SNX2: variants seen among roughly 807,000 people sequenced by gnomAD.
The protein encoded by SNX2 is sorting nexin-2.
SNX2 carries 25 observed loss-of-function variants against 69.9 expected under a neutral mutation model. The observed-to-expected ratio is 0.36, with a 90% CI of 0.26 to 0.50. The LOEUF is 0.50. SNX2 is among the 20% of genes least tolerant of loss of function. The pLI is 0.97. For missense variants in SNX2, 551 were observed against 613.3 expected (o/e 0.90, Z 1.07); for synonymous variants, 229 against 200.4 (o/e 1.14, Z -1.20).
At chr5:122,787,244 G>A (rs190171616) in intron 1 of SNX2, among the ~76,000 whole-genome samples, 86 of 152,342 alleles carry the variant, frequency 5.6e-4, no homozygotes, top group African/African-American at 1.9e-3. Flanking sequence ...CCTTGGCTGG[G>A]TGTGGTGGCT....
At chr5:122,824,848 C>T (rs1754118453) in intron 11 of SNX2, among the ~76,000 whole-genome samples, 1 of 152,104 alleles carries the variant, frequency 6.6e-6, no homozygotes, top group African/African-American at 2.4e-5. Context: ...AATGGCTGTA[C>T]CTACTGATTA....
At chr5:122,780,539 A>G (rs1752954790) in intron 1 of SNX2, among the ~76,000 whole-genome samples, 1 of 151,792 alleles carries the variant, frequency 6.6e-6, no homozygotes, top group Non-Finnish European at 1.5e-5. Context: ...AACAGGTAAT[A>G]AAAGTATATA....
rs1754362572 is a variant in SNX2 at position 122,834,359 on chromosome 5, T to TTAAC, written c.*4713_*4716dup. The TTAAC allele has an allele frequency of 6.6e-6, 1 of 152,210 alleles. No individual in the cohort carries two copies. The highest frequency in any genetic ancestry group is 2.4e-5 in the African/African-American group (1 of 41,452). 9.4% of individuals were successfully genotyped at this position (152,210 alleles called of 1,614,324 possible). A position where few individuals can be genotyped will look rare whatever the true frequency, so the allele number is the denominator to read the frequency against. ...AAGATTGAATAATTTTAAGTATTTC[T>TTAAC]TAACTGGGCAAAATGGAAACTTTGT... On this transcript the variant is annotated 3_prime_UTR_variant, in exon 15 of 15. Coordinates refer to ENST00000379516, the MANE Select transcript of SNX2 (RefSeq NM_003100.4).
intron 1 of SNX2, among the ~76,000 whole-genome samples, chr5:122,782,603 C>T (rs1366752912): frequency 6.6e-6 from 1 of 151,962 alleles, no homozygotes; most frequent in Non-Finnish European, 1.5e-5. Context: ...TTGGCACAAT[C>T]TCTGCTCACT....
intron 11 of SNX2, 99 bp downstream of exon 11, chr5:122,819,122 A>G: frequency 1.1e-6 from 1 of 869,682 alleles, no homozygotes; most frequent in Non-Finnish European, 1.8e-6. Context: ...TTCCTCCTAT[A>G]CTAGCATGAA....
In SNX2 at chr5:122,829,594, A is replaced by G; in HGVS notation, c.1510-4A>G. 6.2e-7 allele frequency: 1 copy of G among 1,607,126 alleles called. No individual in the cohort carries two copies. Among genetic ancestry groups the G allele is most frequent in the South Asian group, 1.1e-5 (1 of 90,948 alleles). On this transcript the variant is annotated splice_polypyrimidine_tract_variant and splice_region_variant and intron_variant, in intron 14 of 14. Transcript: ENST00000379516. The stretch of plus-strand genomic sequence containing the variant: ...ATAACTTATATTTTAATTATCATTC[A>G]CAGCTGATAAAATACTGGGAAGCAT...
intron 1 of SNX2, among the ~76,000 whole-genome samples, chr5:122,787,286 A>C (rs971821078): frequency 1.3e-5 from 2 of 152,140 alleles, no homozygotes; most frequent in African/African-American, 4.8e-5. Context: ...TTGGGAGGCC[A>C]AAGCAGGTGG....
chr5:122,826,396 A>C (rs1183780273), intron 12 of SNX2, among the ~76,000 whole-genome samples: 1 of 152,056 alleles, frequency 6.6e-6, no homozygotes, highest in Non-Finnish European at 1.5e-5. Flanking sequence ...ATGGATAAAG[A>C]AGCATACAAG....
intron 1 of SNX2, among the ~76,000 whole-genome samples, chr5:122,787,634 C>T (rs983271612): frequency 5.9e-5 from 9 of 152,182 alleles, no homozygotes; most frequent in African/African-American, 2.2e-4. Flanking sequence ...ATAGCCTCTC[C>T]ATAGTGATAT....
intron 1 of SNX2, among the ~76,000 whole-genome samples, chr5:122,794,460 T>A (rs992155548): frequency 2.6e-5 from 4 of 152,258 alleles, no homozygotes; most frequent in Non-Finnish European, 5.9e-5. Flanking sequence ...CCTCTTACAG[T>A]AAAACAGTGC....
chr5:122,803,700 C>A, intron 6 of SNX2, 87 bp downstream of exon 6: 2 of 980,324 alleles, frequency 2.0e-6, no homozygotes, highest in African/African-American at 1.6e-5. Context: ...CTTAGTCATT[C>A]ACTGTCAACA....
intron 1 of SNX2, among the ~76,000 whole-genome samples, chr5:122,784,835 G>A (rs1440818617): frequency 1.3e-5 from 2 of 152,138 alleles, no homozygotes; most frequent in Non-Finnish European, 2.9e-5. Flanking sequence ...AATGTTGATA[G>A]AATTTACTAA....
At chr5:122,805,921 C>T (rs1019188281) in intron 6 of SNX2, among the ~76,000 whole-genome samples, 50 of 152,110 alleles carry the variant, frequency 3.3e-4, no homozygotes, top group African/African-American at 1.2e-3. Flanking sequence ...GCTGGGACTA[C>T]AGGCGCCCGC....
chr5:122,777,677 C>T (rs191449835), intron 1 of SNX2, among the ~76,000 whole-genome samples: 8 of 152,246 alleles, frequency 5.3e-5, no homozygotes, highest in African/African-American at 1.9e-4. Flanking sequence ...TATCTGTACA[C>T]TTATGTGTAT....
At position 122,780,458 on chromosome 5, in the gene SNX2, G is replaced by A. The variant is rs535976033; in HGVS notation, c.108+5247G>A. On this transcript the variant is annotated intron_variant, in intron 1 of 14. Coordinates refer to ENST00000379516, the MANE Select transcript of SNX2 (RefSeq NM_003100.4). ...AGTGGTTGAGAATTATCAAGAGAAA[G>A]TAGAATAAGACAGGAGACACTTTTG... is the stretch of plus-strand genomic sequence containing the variant. Among the ~76,000 whole-genome samples, 10 of 152,212 alleles carry A rather than the reference G, an allele frequency of 6.6e-5. No homozygotes were observed. The East Asian group carries it at 1.9e-3, about 29-fold the overall frequency.
At chr5:122,791,972 A>C (rs1315657843) in intron 1 of SNX2, among the ~76,000 whole-genome samples, 1 of 152,220 alleles carries the variant, frequency 6.6e-6, no homozygotes, top group Non-Finnish European at 1.5e-5. Flanking sequence ...GGAAGTATAT[A>C]GGCCAATCAC....
intron 7 of SNX2, among the ~76,000 whole-genome samples, chr5:122,814,790 C>G (rs1753866632): frequency 7.7e-6 from 1 of 129,796 alleles, no homozygotes; most frequent in Non-Finnish European, 1.6e-5. Flanking sequence ...CACTCTGTCA[C>G]CCAGACTGGA....
chr5:122,833,937 A>C lies in SNX2; in HGVS notation c.*4289A>C, dbSNP rs1300749643. Reference sequence around the variant, plus strand: ...GTTTTGCAAGTAGTGGATGTTCAATATCTACAATAAATGAATTGTAGTACT... The same window carrying C: ...GTTTTGCAAGTAGTGGATGTTCAATCTCTACAATAAATGAATTGTAGTACT... On this transcript the variant is annotated 3_prime_UTR_variant, in exon 15 of 15. Transcript: ENST00000379516. The C allele has an allele frequency of 6.6e-6, 1 of 152,212 alleles. No individual in the cohort carries two copies. The highest frequency in any genetic ancestry group is 1.9e-4 in the East Asian group (1 of 5,206). 9.4% of individuals were successfully genotyped at this position (152,212 alleles called of 1,614,324 possible). A position where few individuals can be genotyped will look rare whatever the true frequency, so the allele number is the denominator to read the frequency against.
intron 3 of SNX2, among the ~76,000 whole-genome samples, chr5:122,800,111 C>A (rs1005045566): frequency 6.6e-6 from 1 of 152,064 alleles, no homozygotes; most frequent in African/African-American, 2.4e-5. Context: ...CCTAGGGTTT[C>A]TCTGTTGGTC....
Sources: gnomAD v4.1 joint callset for allele counts (sites outside exome capture counted in the v4.1 genomes callset) on GRCh38, gnomAD v4.1.1 for gene constraint, MANE v1.5 for transcripts, NCBI Gene and HGNC (gene_info 2026-07-23, HGNC 2026-07-21) for gene names.